The following TCF12 variants were observed in gnomAD, a reference collection of about 807,000 sequenced individuals.
TCF12 encodes the protein DNA-binding protein HTF4.
A neutral mutation model predicts 86.0 loss-of-function variants in TCF12; 45 were observed. That is an observed-to-expected ratio of 0.52 (90% CI 0.41 to 0.67). The LOEUF is 0.67. TCF12 is among the 30% of genes least tolerant of loss of function. The pLI is 0.00. For missense variants in TCF12, 881 were observed against 859.9 expected, an observed-to-expected ratio of 1.02 and a Z score of -0.31; for synonymous variants, 330 against 299.6, an observed-to-expected ratio of 1.10 and a Z score of -1.05.
chr15:57,053,072 C>A (rs1385612473), intron 3 of TCF12, among the ~76,000 whole-genome samples: 2 of 152,142 alleles, frequency 1.3e-5, no homozygotes, highest in African/African-American at 4.8e-5. Flanking sequence ...ATTTTACATT[C>A]TCACCAACAA....
chr15:56,975,047 C>T lies in TCF12; in HGVS notation c.148+53949C>T, dbSNP rs145798797. Among the ~76,000 whole-genome samples the T allele has an allele frequency of 1.2e-3, 177 of 152,154 alleles. 4 individuals are homozygous for T. In the East Asian group the frequency reaches 0.027, roughly 23 times the overall value. On this transcript the variant is annotated intron_variant, in intron 3 of 20. Coordinates refer to ENST00000333725, the MANE Select transcript of TCF12 (RefSeq NM_207037.2). The stretch of plus-strand genomic sequence containing the variant: ...TGGTTTAATTTTATAAATGTTTTCC[C>T]ATCATTTTCTTTAATGAAAACATTT...
intron 4 of TCF12, among the ~76,000 whole-genome samples, chr15:57,088,453 T>TTACA (rs1408596379): frequency 5.3e-5 from 8 of 152,092 alleles, no homozygotes; most frequent in Admixed American, 2.6e-4. Flanking sequence ...ACATGGATGA[T>TTACA]TACATACATA....
chr15:57,090,364 G>T (rs2048915496), intron 4 of TCF12, among the ~76,000 whole-genome samples: 1 of 152,180 alleles, frequency 6.6e-6, no homozygotes. Flanking sequence ...AACACTTGTG[G>T]TCATAAGTTG....
intron 5 of TCF12, among the ~76,000 whole-genome samples, chr15:57,117,992 G>T (rs1392167248): frequency 6.6e-6 from 1 of 152,090 alleles, no homozygotes; most frequent in Non-Finnish European, 1.5e-5. Context: ...ATTTTTGTCT[G>T]TTATCTTTGT....
At chr15:57,085,905 A>G (rs2048591562) in intron 4 of TCF12, among the ~76,000 whole-genome samples, 1 of 152,102 alleles carries the variant, frequency 6.6e-6, no homozygotes, top group Admixed American at 6.5e-5. Flanking sequence ...AGCTCTTTGA[A>G]TACCAGAAAC....
At chr15:57,274,317 T>C (rs761673829) in intron 19 of TCF12, among the ~76,000 whole-genome samples, 12 of 152,214 alleles carry the variant, frequency 7.9e-5, no homozygotes, top group Non-Finnish European at 1.8e-4. Context: ...TAGTAGTTAA[T>C]TCATCCACTT....
intron 4 of TCF12, among the ~76,000 whole-genome samples, chr15:57,084,548 C>G (rs56032316): frequency 0.047 from 7,178 of 152,244 alleles, 342 homozygotes; most frequent in African/African-American, 0.13. Flanking sequence ...TCTGGATTCA[C>G]TAGGCCTAAA....
chr15:57,050,413 A>G (rs959055519), intron 3 of TCF12, among the ~76,000 whole-genome samples: 5 of 152,032 alleles, frequency 3.3e-5, no homozygotes, highest in Admixed American at 1.3e-4. Flanking sequence ...ATTGTTTCTG[A>G]TAAGTCTTCG....
At chr15:57,185,300 G>C (rs921891725) in intron 6 of TCF12, among the ~76,000 whole-genome samples, 29 of 152,154 alleles carry the variant, frequency 1.9e-4, no homozygotes, top group African/African-American at 7.0e-4. Context: ...CAACATTGTT[G>C]AATAAGCTTT....
At chr15:57,215,511 C>T (rs1482867791) in intron 8 of TCF12, among the ~76,000 whole-genome samples, 2 of 152,062 alleles carry the variant, frequency 1.3e-5, no homozygotes, top group Non-Finnish European at 2.9e-5. Flanking sequence ...AGTCTGTTTT[C>T]CAAGATTTGA....
chr15:56,997,967 A>G (rs139302203), intron 3 of TCF12, among the ~76,000 whole-genome samples: 3 of 152,358 alleles, frequency 2.0e-5, no homozygotes, highest in East Asian at 3.9e-4. Context: ...ATAAAGAGGA[A>G]CATTACATAT....
intron 18 of TCF12, among the ~76,000 whole-genome samples, chr15:57,267,209 A>G (rs1366266223): frequency 1.3e-5 from 2 of 152,228 alleles, no homozygotes; most frequent in African/African-American, 4.8e-5. Flanking sequence ...TAAAACTAAA[A>G]GAAGCAGAAT....
intron 5 of TCF12, among the ~76,000 whole-genome samples, chr15:57,095,931 C>T (rs1218424817): frequency 1.3e-5 from 2 of 152,134 alleles, no homozygotes; most frequent in Non-Finnish European, 2.9e-5. Context: ...AAAACTAAGG[C>T]AGAGGACAAT....
chr15:57,114,861 A>G (rs1270451022), intron 5 of TCF12, among the ~76,000 whole-genome samples: 2 of 152,138 alleles, frequency 1.3e-5, no homozygotes, highest in African/African-American at 2.4e-5. Flanking sequence ...AGAAATATAT[A>G]TTGAATACGT....
chr15:56,976,985 A>G (rs1005269233), intron 3 of TCF12, among the ~76,000 whole-genome samples: 1 of 152,204 alleles, frequency 6.6e-6, no homozygotes, highest in South Asian at 2.1e-4. Flanking sequence ...CCACATTTCA[A>G]GTGCTCAATA....
chr15:56,941,005 C>T (rs1450154719), intron 3 of TCF12, among the ~76,000 whole-genome samples: 1 of 149,306 alleles, frequency 6.7e-6, no homozygotes, highest in African/African-American at 2.5e-5. Flanking sequence ...AAGCAGTCTT[C>T]TCACCTCAGC....
intron 5 of TCF12, among the ~76,000 whole-genome samples, chr15:57,146,144 A>G (rs1244946502): frequency 6.6e-6 from 1 of 152,072 alleles, no homozygotes; most frequent in African/African-American, 2.4e-5. Context: ...AATTTCTTCT[A>G]TTTAATACAG....
At chr15:57,227,358 CAG>C (rs1273504173) in intron 8 of TCF12, among the ~76,000 whole-genome samples, 1 of 152,204 alleles carries the variant, frequency 6.6e-6, no homozygotes, top group African/African-American at 2.4e-5. Flanking sequence ...TAGAGCTGAA[CAG>C]AGTGTATGCC....
intron 5 of TCF12, among the ~76,000 whole-genome samples, chr15:57,121,565 C>T (rs1198033333): frequency 6.6e-6 from 1 of 152,122 alleles, no homozygotes; most frequent in Non-Finnish European, 1.5e-5. Flanking sequence ...ACTCTTCTAC[C>T]CTGTGAGGAC....
Sources: allele counts gnomAD v4.1 joint callset (sites outside exome capture counted in the v4.1 genomes callset), GRCh38; gene constraint gnomAD v4.1.1; transcripts MANE v1.5; gene names NCBI Gene and HGNC (gene_info 2026-07-23, HGNC 2026-07-21).